The following PRAME variants were observed in gnomAD, a reference collection of about 807,000 sequenced individuals.
PRAME encodes PRAME nuclear receptor transcriptional regulator.
Under a neutral mutation model 32.1 loss-of-function variants are expected in PRAME, and 21 were observed. The ratio of observed to expected loss-of-function variants is 0.65; its 90% CI spans 0.46 to 0.94. PRAME has a LOEUF of 0.94. PRAME is among the 40% of genes least tolerant of loss of function. PRAME has a pLI of 0.00. For missense variants in PRAME, 651 were observed against 622.3 expected, an observed-to-expected ratio of 1.05 and a Z score of -0.49; for synonymous variants, 274 against 251.5, an observed-to-expected ratio of 1.09 and a Z score of -0.85.
intron 2 of PRAME, chr22:22,557,244 G>A (rs907243283): frequency 1.6e-5 from 4 of 248,504 alleles, no homozygotes; most frequent in African/African-American, 7.0e-5. Flanking sequence ...CCAACCCCCA[G>A]CACCTTCAGA....
chr22:22,550,564 A>G (rs992402739), intron 4 of PRAME, among the ~76,000 whole-genome samples: 1 of 151,730 alleles, frequency 6.6e-6, no homozygotes, highest in Non-Finnish European at 1.5e-5. Context: ...TCCTTCAGAC[A>G]CCTCTGCATT....
chr22:22,550,276 C>T lies in PRAME; in HGVS notation c.403G>A (p.Val135Ile). Reference protein sequence around the residue: ...RKNSHQDFWTVWSGNRASLYS... With the variant: ...RKNSHQDFWTIWSGNRASLYS... Reference sequence around the variant, plus strand: ...AGACTGGCCCTGTTTCCAGACCATACAGTCCAGAAGTCCTGATGAGAGTTC... The same window carrying T: ...AGACTGGCCCTGTTTCCAGACCATATAGTCCAGAAGTCCTGATGAGAGTTC... Residue 135 changes from valine (V) to isoleucine (I), a missense_variant, in exon 5 of 6, where the codon GTA becomes ATA. Physicochemically the swap from Val to Ile is conservative, Grantham distance 29 (BLOSUM62 3). Coordinates refer to ENST00000405655, the MANE Select transcript of PRAME (RefSeq NM_206956.3). The T allele has an allele frequency of 8.7e-6, 14 of 1,613,784 alleles. No homozygotes were observed. The highest frequency in any genetic ancestry group is 1.1e-5 in the Non-Finnish European group (13 of 1,179,954).
Position 22,551,105 on chromosome 22 carries a change from G to A in PRAME, c.22-16C>T. 6.5e-7 allele frequency: 1 copy of A among 1,547,088 alleles called. No homozygotes were observed. The highest frequency in any genetic ancestry group is 8.8e-7 in the Non-Finnish European group (1 of 1,142,160). On this transcript the variant is annotated splice_polypyrimidine_tract_variant and intron_variant, in intron 3 of 5. Transcript: ENST00000405655. ...GAATGGAACCCTGAGGAAACATACAGGGAACAAGGCATCCCTTTCAGCCCA... is the reference window on the plus strand; with the variant it reads ...GAATGGAACCCTGAGGAAACATACAAGGAACAAGGCATCCCTTTCAGCCCA...
At chr22:22,554,506 G>A (rs935247015) in intron 3 of PRAME, among the ~76,000 whole-genome samples, 1 of 151,934 alleles carries the variant, frequency 6.6e-6, no homozygotes, top group Admixed American at 6.6e-5. Flanking sequence ...GCGGGAGACT[G>A]AGATTAGTAA....
chr22:22,553,767 AG>A, intron 3 of PRAME: 1 of 982,236 alleles, frequency 1.0e-6, no homozygotes, highest in Non-Finnish European at 1.2e-6. Flanking sequence ...TCTTGGAGCC[AG>A]GAAAGAAATA....
chr22:22,548,721 A>G, intron 5 of PRAME, 78 bp from the exon 6 acceptor site: 1 of 1,331,040 alleles, frequency 7.5e-7, no homozygotes, highest in Non-Finnish European at 1.0e-6. Flanking sequence ...CCATTTCACC[A>G]AAACCCAAAG....
Position 22,548,172 on chromosome 22 carries a change from C to T in PRAME, c.1425G>A (p.Gly475=), listed in dbSNP as rs1448120666. 1 of 1,613,838 alleles carries T rather than the reference C, an allele frequency of 6.2e-7. No individual in the cohort carries two copies. ...ARLRELLCEL[G]RPSMVWLSAN... is the part of the protein sequence containing the mutation. ...CACTAAGCCAGACCATGCTGGGCCG[C>T]CCCAACTCACACAGCAACTCCCTGA... Residue 475 remains glycine, a synonymous_variant, in exon 6 of 6, where the codon GGG becomes GGA. Transcript: ENST00000405655.
intron 3 of PRAME, chr22:22,553,871 T>TTC (rs2062746556): frequency 5.1e-6 from 5 of 985,146 alleles, no homozygotes; most frequent in Non-Finnish European, 6.0e-6. Context: ...ACTGGGGCTG[T>TTC]TCACAAGCAG....
chr22:22,548,762 C>CCA, intron 5 of PRAME, 119 bp from the exon 6 acceptor site: 1 of 937,420 alleles, frequency 1.1e-6, no homozygotes, highest in Non-Finnish European at 1.6e-6. Context: ...CGCCAGGATG[C>CCA]CATGCTGTAA....
rs200182963 is a variant in PRAME at position 22,548,210 on chromosome 22, G to A, written c.1387C>T (p.Leu463=). 2.5e-6 allele frequency: 4 copies of A among 1,613,838 alleles called. No individual in the cohort carries two copies. Among genetic ancestry groups the A allele is most frequent in the East Asian group, 2.2e-5 (1 of 44,788 alleles). ...AGCAACTCCCTGAGCCTGGCATGCA[G>A]ATAGGCAAGCCTCTCCAGGTGGAGG... is the stretch of plus-strand genomic sequence containing the variant. ...GTLHLERLAY[L]HARLRELLCE... is the part of the protein sequence containing the mutation. Residue 463 remains leucine, a synonymous_variant, in exon 6 of 6, where the codon CTG becomes TTG. Transcript: ENST00000405655.
chr22:22,555,298 G>A (rs531639751), intron 3 of PRAME, among the ~76,000 whole-genome samples: 23 of 151,832 alleles, frequency 1.5e-4, no homozygotes, highest in African/African-American at 5.3e-4. Flanking sequence ...GTGCAGTGGC[G>A]CAATCTTGGC....
At chr22:22,555,557 C>G (rs1422432882) in intron 3 of PRAME, among the ~76,000 whole-genome samples, 1 of 151,616 alleles carries the variant, frequency 6.6e-6, no homozygotes, top group South Asian at 2.1e-4. Flanking sequence ...TTTTTAGAGA[C>G]AGGGTCTTAC....
At chr22:22,555,869 C>T (rs2062877338) in intron 3 of PRAME, 1 of 470,864 alleles carries the variant, frequency 2.1e-6, no homozygotes, top group Non-Finnish European at 4.4e-6. Context: ...GCAGTGAGAT[C>T]AAAGCCTCCT....
chr22:22,555,834 A>G lies in PRAME; in HGVS notation c.21+978T>C, dbSNP rs779234627. 2.8e-5 allele frequency: 13 copies of G among 468,194 alleles called. 1 individual carries two copies. Among genetic ancestry groups the G allele is most frequent in the South Asian group, 2.0e-4 (13 of 64,398 alleles). 29.0% of individuals were successfully genotyped at this position (468,194 alleles called of 1,614,324 possible). ...TGCTCACTTCCCAGGACCGACACTT[A>G]CCCCTAATGGCCCAAGCCCATGGGG... On this transcript the variant is annotated intron_variant, in intron 3 of 5. Coordinates refer to ENST00000405655, the MANE Select transcript of PRAME (RefSeq NM_206956.3).
chr22:22,549,984 A>C lies in PRAME; in HGVS notation c.695T>G (p.Leu232Arg), dbSNP rs1384346690. ...DIKMILKMVQ[L>R]DSIEDLEVTC... The stretch of plus-strand genomic sequence containing the variant: ...CACTTCCAAATCTTCAATAGAGTCC[A>C]GCTGCACCATTTTCAGGATCATCTT... Residue 232 changes from leucine (L) to arginine (R), a missense_variant, in exon 5 of 6, where the codon CTG (leucine) becomes CGG (arginine). Leu to Arg is a moderately radical substitution (Grantham distance 102). Coordinates refer to ENST00000405655, the MANE Select transcript of PRAME (RefSeq NM_206956.3). The C allele has an allele frequency of 1.2e-6, 2 of 1,613,922 alleles. No individual in the cohort carries two copies. Among genetic ancestry groups the C allele is most frequent in the South Asian group, 2.2e-5 (2 of 91,070 alleles).
intron 3 of PRAME, among the ~76,000 whole-genome samples, chr22:22,556,156 C>A (rs181298948): frequency 2.0e-4 from 30 of 151,646 alleles, no homozygotes; most frequent in African/African-American, 6.8e-4. Flanking sequence ...TGGGCCACCA[C>A]GCCCAGCTAA....
chr22:22,556,633 G>A (rs758465872), intron 3 of PRAME, among the ~76,000 whole-genome samples, 179 bp downstream of exon 3: 2 of 151,922 alleles, frequency 1.3e-5, no homozygotes, highest in African/African-American at 4.8e-5. Flanking sequence ...CTCATACAAA[G>A]ACAGCACGGG....
chr22:22,548,778 C>G, intron 5 of PRAME, 135 bp from the exon 6 acceptor site: 1 of 773,910 alleles, frequency 1.3e-6, no homozygotes. Context: ...TGTAACGGAG[C>G]ATTCAAGGAG....
At chr22:22,556,947 A>G in intron 2 of PRAME, 38 bp from the exon 3 acceptor site, 1 of 1,295,762 alleles carries the variant, frequency 7.7e-7, no homozygotes, top group Non-Finnish European at 1.1e-6. Context: ...AAAGAAGAAT[A>G]CATGTATAAT....
Sources: gnomAD v4.1 joint callset for allele counts (sites outside exome capture counted in the v4.1 genomes callset) on GRCh38, gnomAD v4.1.1 for gene constraint, MANE v1.5 for transcripts, NCBI Gene and HGNC (gene_info 2026-07-23, HGNC 2026-07-21) for gene names.